The following PPP1R12A variants were observed in gnomAD, a reference collection of about 807,000 sequenced individuals.
The protein encoded by PPP1R12A is protein phosphatase 1 regulatory subunit 12A, also known as myosin binding subunit.
Under a neutral mutation model 139.6 loss-of-function variants are expected in PPP1R12A, and 19 were observed. The observed-to-expected ratio is 0.14, with a 90% CI of 0.09 to 0.20. The LOEUF (loss-of-function observed/expected upper bound fraction) is 0.20, where lower values mean the gene tolerates loss of function less well. Ranked by LOEUF, PPP1R12A falls within the 10% of genes least tolerant of loss-of-function variation. PPP1R12A has a pLI of 1.00. For missense variants in PPP1R12A, 925 were observed against 1,211.5 expected, an observed-to-expected ratio of 0.76 and a Z score of 3.51; for synonymous variants, 427 against 420.6, an observed-to-expected ratio of 1.02 and a Z score of -0.19.
chr12:79,852,197 T>C (rs551226186), intron 2 of PPP1R12A, among the ~76,000 whole-genome samples: 17 of 150,548 alleles, frequency 1.1e-4, no homozygotes, highest in African/African-American at 4.1e-4. Context: ...TTCTTTCTTT[T>C]TTTTTTTTTT....
intron 2 of PPP1R12A, among the ~76,000 whole-genome samples, chr12:79,858,417 C>G (rs1469854947): frequency 7.2e-5 from 11 of 152,174 alleles, no homozygotes; most frequent in Non-Finnish European, 8.8e-5. Flanking sequence ...GTCTTATACA[C>G]ATGATCTCAT....
chr12:79,857,625 C>G (rs1003782333), intron 2 of PPP1R12A, among the ~76,000 whole-genome samples: 1 of 151,716 alleles, frequency 6.6e-6, no homozygotes, highest in Non-Finnish European at 1.5e-5. Flanking sequence ...CGAATGTTAC[C>G]TCCTCCAGAA....
chr12:79,820,460 A>C lies in PPP1R12A; in HGVS notation c.1114+314T>G, dbSNP rs148669651. ...CCTGGACGTTTGGACCTCAGAAGGA[A>C]CAGGAGCATTTCTCAATTGCTGAGA... is the stretch of plus-strand genomic sequence containing the variant. On this transcript the variant is annotated intron_variant, in intron 8 of 24. Transcript: ENST00000450142. Among the ~76,000 whole-genome samples, 772 of 152,300 alleles carry C rather than the reference A, an allele frequency of 5.1e-3. 4 individuals carry two copies. The highest frequency in any genetic ancestry group is 0.018 in the African/African-American group (732 of 41,572).
At chr12:79,859,377 G>A (rs2137274743) in intron 2 of PPP1R12A, among the ~76,000 whole-genome samples, 1 of 148,684 alleles carries the variant, frequency 6.7e-6, no homozygotes, top group South Asian at 2.1e-4. Context: ...AAACAACAGT[G>A]CTCAGGATCA....
intron 1 of PPP1R12A, among the ~76,000 whole-genome samples, chr12:79,926,514 A>G (rs1246621772): frequency 6.6e-6 from 1 of 152,222 alleles, no homozygotes; most frequent in Non-Finnish European, 1.5e-5. Flanking sequence ...TTTGATTGTA[A>G]TAATGGCTAC....
intron 15 of PPP1R12A, among the ~76,000 whole-genome samples, chr12:79,797,975 C>A (rs1432294432): frequency 6.6e-6 from 1 of 152,130 alleles, no homozygotes; most frequent in African/African-American, 2.4e-5. Context: ...ACATCATATA[C>A]AGCATAATCA....
rs561288459 is a variant in PPP1R12A, at chr12:79,866,111, C to G, written c.368+6697G>C. Among the ~76,000 whole-genome samples the G allele has an allele frequency of 7.9e-5, 12 of 152,242 alleles. 1 individual carries two copies. The South Asian group carries it at 2.3e-3, about 29-fold the overall frequency. On this transcript the variant is annotated intron_variant, in intron 2 of 24. Coordinates refer to ENST00000450142, the MANE Select transcript of PPP1R12A (RefSeq NM_002480.3). Reference sequence around the variant, plus strand: ...TAACCAAAACAGCATGGTACTGGTACCAAAACAGATATACAGACCAATGGA... The same window carrying G: ...TAACCAAAACAGCATGGTACTGGTAGCAAAACAGATATACAGACCAATGGA...
intron 1 of PPP1R12A, among the ~76,000 whole-genome samples, chr12:79,876,795 A>G (rs1327285847): frequency 6.6e-6 from 1 of 152,188 alleles, no homozygotes; most frequent in Non-Finnish European, 1.5e-5. Context: ...GTGGATCATG[A>G]GATCAGCAGA....
At chr12:79,872,781 T>C (rs773925296) in intron 2 of PPP1R12A, 27 bp downstream of exon 2, 7 of 1,609,750 alleles carry the variant, frequency 4.3e-6, no homozygotes, top group Non-Finnish European at 5.1e-6. Context: ...AGTATTAGAA[T>C]AAAATGAAAA....
chr12:79,809,535 G>A (rs1468104892), intron 10 of PPP1R12A, among the ~76,000 whole-genome samples: 1 of 152,154 alleles, frequency 6.6e-6, no homozygotes, highest in South Asian at 2.1e-4. Flanking sequence ...CCTTAATACA[G>A]TTCTATTATA....
chr12:79,851,007 T>C (rs551048167), intron 2 of PPP1R12A, among the ~76,000 whole-genome samples: 6 of 152,352 alleles, frequency 3.9e-5, no homozygotes, highest in East Asian at 3.9e-4. Flanking sequence ...TAGTTCTTCA[T>C]AGCAGTGCAA....
At chr12:79,777,371 A>G (rs2136959246) in intron 24 of PPP1R12A, 6 of 984,418 alleles carry the variant, frequency 6.1e-6, no homozygotes, top group Non-Finnish European at 7.2e-6. Flanking sequence ...ACAATTTCTA[A>G]CATTCTAAGA....
chr12:79,869,652 A>C (rs1023305508), intron 2 of PPP1R12A, among the ~76,000 whole-genome samples: 2 of 152,206 alleles, frequency 1.3e-5, no homozygotes, highest in Non-Finnish European at 2.9e-5. Context: ...GGGGAACTAA[A>C]AGTAGTCCAG....
intron 1 of PPP1R12A, among the ~76,000 whole-genome samples, chr12:79,886,449 A>G (rs950033185): frequency 2.0e-5 from 3 of 152,218 alleles, no homozygotes; most frequent in Non-Finnish European, 4.4e-5. Flanking sequence ...ACAGAAATCT[A>G]TCCACACAAT....
At chr12:79,874,003 C>T (rs958191810) in intron 1 of PPP1R12A, among the ~76,000 whole-genome samples, 5 of 152,126 alleles carry the variant, frequency 3.3e-5, no homozygotes, top group Non-Finnish European at 7.4e-5. Context: ...ACGCCAGGCG[C>T]GGTGGCTCAC....
At chr12:79,811,105 T>TAC (rs1874470715) in intron 9 of PPP1R12A, among the ~76,000 whole-genome samples, 1 of 152,216 alleles carries the variant, frequency 6.6e-6, no homozygotes, top group Non-Finnish European at 1.5e-5. Flanking sequence ...GATTGGTGAA[T>TAC]ACAGCAACTA....
chr12:79,801,115 G>A (rs1873084448), intron 14 of PPP1R12A, among the ~76,000 whole-genome samples: 1 of 151,080 alleles, frequency 6.6e-6, no homozygotes, highest in Non-Finnish European at 1.5e-5. Flanking sequence ...GGAGGCCGAG[G>A]CAGGCGGATC....
intron 1 of PPP1R12A, among the ~76,000 whole-genome samples, chr12:79,888,474 G>A (rs1884306575): frequency 6.6e-6 from 1 of 152,164 alleles, no homozygotes; most frequent in Non-Finnish European, 1.5e-5. Context: ...GAGTATTTAA[G>A]AAAGGGGAAA....
rs1324494568 is a variant in PPP1R12A at position 79,797,351 on chromosome 12, T to A, written c.2136A>T (p.Gly712=). The A allele has an allele frequency of 2.5e-6, 4 of 1,603,532 alleles. No individual in the cohort carries two copies. In the African/African-American group the frequency reaches 5.4e-5, roughly 21 times the overall value. Residue 712 remains glycine, a synonymous_variant, in exon 16 of 25, where the codon GGA becomes GGT. Coordinates refer to ENST00000450142, the MANE Select transcript of PPP1R12A (RefSeq NM_002480.3). The part of the protein sequence containing the change: ...TDLQEAEKTI[G]RSRSTRTREQ... The stretch of plus-strand genomic sequence containing the variant: ...CTCTGGTTCGGGTAGAACGACTTCT[T>A]CCTATTGTTTTCTCAGCTTCTTGAA...
Sources: allele counts gnomAD v4.1 joint callset (sites outside exome capture counted in the v4.1 genomes callset), GRCh38; gene constraint gnomAD v4.1.1; transcripts MANE v1.5; gene names NCBI Gene and HGNC (gene_info 2026-07-23, HGNC 2026-07-21).